Variants in PTPRK observed in about 807,000 individuals in gnomAD.
PTPRK encodes the protein protein tyrosine phosphatase receptor type K.
Under a neutral mutation model 178.0 loss-of-function variants are expected in PTPRK, and 75 were observed. The observed-to-expected ratio is 0.42, with a 90% CI of 0.35 to 0.51. The LOEUF (loss-of-function observed/expected upper bound fraction) is 0.51. Among genes scored for constraint, PTPRK ranks in the 20% least tolerant of loss-of-function variants. PTPRK has a pLI of 0.02. For synonymous variants in PTPRK, 637 were observed against 620.6 expected, an observed-to-expected ratio of 1.03 and a Z score of -0.39; for missense variants, 1,441 against 1,797.8, an observed-to-expected ratio of 0.80 and a Z score of 3.59.
intron 4 of PTPRK, among the ~76,000 whole-genome samples, chr6:128,240,804 C>A (rs563159516): frequency 6.6e-6 from 1 of 152,272 alleles, no homozygotes; most frequent in South Asian, 2.1e-4. Flanking sequence ...ATAATGACTG[C>A]AGTCAAAATA....
At chr6:128,216,234 C>CT (rs1470234064) in intron 6 of PTPRK, among the ~76,000 whole-genome samples, 1 of 152,026 alleles carries the variant, frequency 6.6e-6, no homozygotes, top group Non-Finnish European at 1.5e-5. Flanking sequence ...GCAGGACTTT[C>CT]TTTAAAAAAA....
intron 13 of PTPRK, among the ~76,000 whole-genome samples, chr6:128,011,153 T>G (rs1026929520): frequency 3.3e-5 from 5 of 151,216 alleles, no homozygotes; most frequent in Non-Finnish European, 7.4e-5. Flanking sequence ...ATTACATTGG[T>G]TTGCCACAGA....
chr6:128,217,180 C>T (rs565743447), intron 6 of PTPRK, among the ~76,000 whole-genome samples: 2 of 152,252 alleles, frequency 1.3e-5, no homozygotes, highest in South Asian at 4.1e-4. Flanking sequence ...AACAAAGATG[C>T]ATGTGTGAAC....
chr6:128,144,967 T>C (rs1384117959), intron 7 of PTPRK, among the ~76,000 whole-genome samples: 2 of 152,112 alleles, frequency 1.3e-5, no homozygotes, highest in Non-Finnish European at 2.9e-5. Flanking sequence ...AACAAATCTC[T>C]CTCAGGAAGG....
At chr6:128,210,257 T>C (rs1807863788) in intron 6 of PTPRK, among the ~76,000 whole-genome samples, 1 of 152,084 alleles carries the variant, frequency 6.6e-6, no homozygotes, top group Non-Finnish European at 1.5e-5. Flanking sequence ...ATTCACTGCA[T>C]TTCCAACAGC....
chr6:128,500,025 G>T (rs1855306655), intron 1 of PTPRK, among the ~76,000 whole-genome samples: 1 of 152,162 alleles, frequency 6.6e-6, no homozygotes, highest in Non-Finnish European at 1.5e-5. Flanking sequence ...GTCCCTATAG[G>T]TTGGTGGACT....
At chr6:128,229,865 A>G (rs2128278437) in intron 5 of PTPRK, among the ~76,000 whole-genome samples, 1 of 152,312 alleles carries the variant, frequency 6.6e-6, no homozygotes, top group Middle Eastern at 3.4e-3. Context: ...CAAAGATTGG[A>G]GCATGTATTT....
intron 1 of PTPRK, among the ~76,000 whole-genome samples, chr6:128,403,253 A>G (rs1841250867): frequency 6.6e-6 from 1 of 152,232 alleles, no homozygotes; most frequent in African/African-American, 2.4e-5. Context: ...ACAATCTTCA[A>G]TAAGACTGAA....
At chr6:128,017,802 G>GTGTGTA (rs1287001811) in intron 13 of PTPRK, among the ~76,000 whole-genome samples, 3 of 101,258 alleles carry the variant, frequency 3.0e-5, no homozygotes, top group Non-Finnish European at 5.9e-5. Context: ...ATATATATGT[G>GTGTGTA]TATATATATA....
intron 3 of PTPRK, among the ~76,000 whole-genome samples, chr6:128,307,006 A>G (rs1164093561): frequency 6.6e-6 from 1 of 151,968 alleles, no homozygotes; most frequent in Non-Finnish European, 1.5e-5. Context: ...TTCAAAGGAC[A>G]TGTTTAAAGG....
chr6:128,310,767 TTG>T lies in PTPRK; in HGVS notation c.495+11270_495+11271del, dbSNP rs547735967. 7.2e-5 allele frequency among the ~76,000 whole-genome samples: 11 copies of T among 152,288 alleles called. No individual in the cohort carries two copies. In the South Asian group the frequency reaches 2.3e-3, roughly 32 times the overall value. On this transcript the variant is annotated intron_variant, in intron 3 of 29. Coordinates refer to ENST00000368226, the MANE Select transcript of PTPRK (RefSeq NM_002844.4). ...GCTGCATTAAAACCAGCAGGTCCAT[TTG>T]TGAACAGCAACCCACTTTATTCTCC...
chr6:128,355,749 A>G (rs1833868586), intron 2 of PTPRK, among the ~76,000 whole-genome samples: 1 of 152,218 alleles, frequency 6.6e-6, no homozygotes, highest in Non-Finnish European at 1.5e-5. Flanking sequence ...ATACATATGT[A>G]ACAAACCTGC....
intron 7 of PTPRK, among the ~76,000 whole-genome samples, chr6:128,162,730 A>G (rs1313267513): frequency 6.6e-6 from 1 of 151,720 alleles, no homozygotes; most frequent in Non-Finnish European, 1.5e-5. Flanking sequence ...ACAAATATTG[A>G]TAAGATCTGT....
intron 2 of PTPRK, among the ~76,000 whole-genome samples, chr6:128,397,358 TC>T (rs1258675221): frequency 6.6e-6 from 1 of 152,002 alleles, no homozygotes; most frequent in Non-Finnish European, 1.5e-5. Context: ...CTAATACTTA[TC>T]TTTTTTTTTT....
chr6:128,388,474 T>C (rs1269178264), intron 2 of PTPRK, among the ~76,000 whole-genome samples: 1 of 152,194 alleles, frequency 6.6e-6, no homozygotes, highest in Non-Finnish European at 1.5e-5. Flanking sequence ...AACACATTTG[T>C]AGTTGTGCTT....
At chr6:128,393,248 G>C (rs1280142153) in intron 2 of PTPRK, among the ~76,000 whole-genome samples, 3 of 151,870 alleles carry the variant, frequency 2.0e-5, no homozygotes, top group Non-Finnish European at 4.4e-5. Flanking sequence ...CTGCCACCAT[G>C]CCTGACTAAT....
intron 1 of PTPRK, among the ~76,000 whole-genome samples, chr6:128,504,603 G>C (rs1423532610): frequency 2.6e-5 from 4 of 152,176 alleles, no homozygotes; most frequent in Non-Finnish European, 5.9e-5. Flanking sequence ...AATTAGCCGG[G>C]AAAGGGCACA....
chr6:128,378,906 AAC>A (rs1837481551), intron 2 of PTPRK, among the ~76,000 whole-genome samples: 1 of 152,110 alleles, frequency 6.6e-6, no homozygotes, highest in Non-Finnish European at 1.5e-5. Context: ...GATTGAAAAT[AAC>A]AGAGGAAAGT....
chr6:128,347,065 T>C (rs1832524113), intron 2 of PTPRK, among the ~76,000 whole-genome samples: 1 of 152,162 alleles, frequency 6.6e-6, no homozygotes, highest in Admixed American at 6.6e-5. Context: ...CTATTTCATA[T>C]AGTATATAAA....
Sources: allele counts gnomAD v4.1 joint callset (sites outside exome capture counted in the v4.1 genomes callset), GRCh38; gene constraint gnomAD v4.1.1; transcripts MANE v1.5; gene names NCBI Gene and HGNC (gene_info 2026-07-23, HGNC 2026-07-21).